The following CD33 variants were observed in gnomAD, a reference collection of about 807,000 sequenced individuals.
CD33 encodes CD33 molecule.
CD33 carries 25 observed loss-of-function variants against 31.4 expected under a neutral mutation model. The observed-to-expected ratio is 0.80, with a 90% CI of 0.58 to 1.11. The LOEUF (loss-of-function observed/expected upper bound fraction) is 1.11. Ranked by LOEUF, CD33 falls within the 50% of genes most tolerant of loss-of-function variation. CD33 has a pLI of 0.00. For synonymous variants in CD33, 176 were observed against 180.6 expected, an observed-to-expected ratio of 0.97 and a Z score of 0.20; for missense variants, 407 against 448.1, an observed-to-expected ratio of 0.91 and a Z score of 0.83.
At chr19:51,215,151 G>A in the CD33 span, among the ~76,000 whole-genome samples, 1 of 152,122 alleles carries the variant, frequency 6.6e-6, no homozygotes, top group Non-Finnish European at 1.5e-5. Context: ...GGAAGTGTGT[G>A]GAGGGCAGGA....
chr19:51,216,273 G>C, the CD33 span, among the ~76,000 whole-genome samples: 1 of 136,522 alleles, frequency 7.3e-6, no homozygotes, highest in Non-Finnish European at 1.6e-5. Context: ...TGTGTTTCTT[G>C]TATGATATTG....
intron 4 of CD33, among the ~76,000 whole-genome samples, chr19:51,233,522 G>T (rs373420322): frequency 6.6e-6 from 1 of 152,232 alleles, no homozygotes; most frequent in Non-Finnish European, 1.5e-5. Flanking sequence ...GCCCCCAGAG[G>T]AGGGTGCACT....
rs912847472 is a variant in CD33 at position 51,226,331 on chromosome 19, T to A, written c.720T>A (p.Thr240=). The change falls in exon 4 of 7, where the codon ACT becomes ACA. Residue 240 remains threonine, a synonymous_variant. Coordinates refer to ENST00000262262, the MANE Select transcript of CD33 (RefSeq NM_001772.4). ...TAGATGTTCCACAGAACCCAACAAC[T>A]GGTATCTTTCCAGGAGATGGCTCAG... ...NVTYVPQNPT[T]GIFPGDGSGK... The A allele has an allele frequency of 1.2e-6, 2 of 1,611,442 alleles. No individual in the cohort carries two copies. Among genetic ancestry groups the A allele is most frequent in the African/African-American group, 2.7e-5 (2 of 74,906 alleles).
At position 51,235,182 on chromosome 19, in the gene CD33, G is replaced by T. The variant is rs771478572; in HGVS notation, c.771G>T (p.Val257=). The T allele has an allele frequency of 1.2e-6, 2 of 1,614,130 alleles. No individual in the cohort carries two copies. Among genetic ancestry groups the T allele is most frequent in the Non-Finnish European group, 1.7e-6 (2 of 1,179,960 alleles). The stretch of plus-strand genomic sequence containing the variant: ...GGAAACAAGAGACCAGAGCAGGAGT[G>T]GTTCATGGGGCCATTGGAGGAGCTG... ...GSGKQETRAG[V]VHGAIGGAGV... is the part of the protein sequence containing the mutation. Residue 257 remains valine (V), a synonymous_variant, in exon 5 of 7, where the codon GTG becomes GTT. Coordinates refer to ENST00000262262, the MANE Select transcript of CD33 (RefSeq NM_001772.4).
intron 6 of CD33, chr19:51,237,479 G>A (rs1381541647): frequency 6.6e-6 from 1 of 152,266 alleles, no homozygotes; most frequent in East Asian, 1.9e-4. Flanking sequence ...ACAGTCCTGG[G>A]GGCCAAAGAA....
chr19:51,221,988 T>A (rs1283567350), upstream of CD33, among the ~76,000 whole-genome samples: 1 of 152,120 alleles, frequency 6.6e-6, no homozygotes, highest in East Asian at 1.9e-4. Context: ...ATATCAGCAT[T>A]TTTTCATGGA....
At chr19:51,213,812 A>T in the CD33 span, among the ~76,000 whole-genome samples, 4 of 148,560 alleles carry the variant, frequency 2.7e-5, no homozygotes, top group African/African-American at 1.0e-4. Flanking sequence ...CTGGGATTAC[A>T]GGCGTGAACC....
chr19:51,221,642 C>G (rs1288862556), upstream of CD33, among the ~76,000 whole-genome samples: 1 of 152,140 alleles, frequency 6.6e-6, no homozygotes, highest in Non-Finnish European at 1.5e-5. Flanking sequence ...GCACCTGACT[C>G]CTAAGTATTT....
chr19:51,213,719 A>G, the CD33 span, among the ~76,000 whole-genome samples: 1 of 149,528 alleles, frequency 6.7e-6, no homozygotes, highest in Non-Finnish European at 1.5e-5. Context: ...TTTTTTCAGT[A>G]GAGATAGGGT....
upstream of CD33, among the ~76,000 whole-genome samples, chr19:51,224,361 A>C (rs1344990821): frequency 6.6e-6 from 1 of 152,134 alleles, no homozygotes; most frequent in African/African-American, 2.4e-5. Context: ...GGGCCATTGT[A>C]TGAGGGTGAA....
the CD33 span, chr19:51,211,798 C>G: frequency 1.2e-6 from 1 of 861,562 alleles, no homozygotes. Flanking sequence ...CCAGCCCTGA[C>G]CCACAGGCCC....
At chr19:51,223,357 G>A (rs3826656), upstream of CD33, among the ~76,000 whole-genome samples, 114,003 of 152,160 alleles carry the variant, frequency 0.75, 43,683 homozygotes, top group African/African-American at 0.82. Context: ...CTCTCTATTA[G>A]TAAGGATGAA....
the CD33 span, chr19:51,211,165 G>T: frequency 4.4e-6 from 7 of 1,594,300 alleles, no homozygotes; most frequent in Admixed American, 1.2e-4. Flanking sequence ...TGCGGGGAGA[G>T]GGGTTGTCGG....
chr19:51,214,410 C>A, the CD33 span, among the ~76,000 whole-genome samples: 47 of 151,218 alleles, frequency 3.1e-4, no homozygotes, highest in East Asian at 4.7e-3. Context: ...GTTGGTCAGG[C>A]TGGTCTCGAA....
chr19:51,214,089 A>C, the CD33 span, among the ~76,000 whole-genome samples: 18 of 146,032 alleles, frequency 1.2e-4, no homozygotes, highest in African/African-American at 4.6e-4. Flanking sequence ...CAAACTCCCA[A>C]CCTCAGGTGA....
chr19:51,233,071 G>T (rs927609417), intron 4 of CD33, among the ~76,000 whole-genome samples: 5 of 152,200 alleles, frequency 3.3e-5, no homozygotes, highest in African/African-American at 7.2e-5. Context: ...TCTGCCTGGG[G>T]TCATGTCTAA....
At chr19:51,214,439 G>A in the CD33 span, among the ~76,000 whole-genome samples, 1 of 147,576 alleles carries the variant, frequency 6.8e-6, no homozygotes, top group Non-Finnish European at 1.5e-5. Flanking sequence ...CTCGTGATCT[G>A]CCCACCTTGG....
the CD33 span, among the ~76,000 whole-genome samples, chr19:51,217,181 C>T: frequency 6.6e-6 from 1 of 152,046 alleles, no homozygotes; most frequent in Non-Finnish European, 1.5e-5. Flanking sequence ...ACTGGGAGAG[C>T]GCTGCTGGAT....
intron 4 of CD33, among the ~76,000 whole-genome samples, chr19:51,227,217 TCCTTTCTATAAATG>T (rs138197061): frequency 0.048 from 7,249 of 152,226 alleles, 235 homozygotes; most frequent in Non-Finnish European, 0.073. Context: ...TGATTTCCTT[TCCTTTCTATAAATG>T]CCCAGTAGTG....
Sources: allele counts gnomAD v4.1 joint callset (sites outside exome capture counted in the v4.1 genomes callset), GRCh38; gene constraint gnomAD v4.1.1; transcripts MANE v1.5; gene names NCBI Gene and HGNC (gene_info 2026-07-23, HGNC 2026-07-21).